CSPP1: variants seen among roughly 807,000 people sequenced by gnomAD.
The protein encoded by CSPP1 is centrosome and spindle pole-associated protein 1.
CSPP1 carries 126 observed loss-of-function variants against 164.4 expected under a neutral mutation model. The ratio of observed to expected loss-of-function variants is 0.77; its 90% CI spans 0.66 to 0.89. CSPP1 has a LOEUF of 0.89. Among genes scored for constraint, CSPP1 ranks in the 40% least tolerant of loss-of-function variants. The probability of loss-of-function intolerance (pLI) is 0.00; values close to 1 mark genes in which losing one functional copy is unlikely to be tolerated. For missense variants in CSPP1, 1,395 were observed against 1,449.8 expected, an observed-to-expected ratio of 0.96 and a Z score of 0.61; for synonymous variants, 472 against 476.7, an observed-to-expected ratio of 0.99 and a Z score of 0.13.
At chr8:67,161,555 G>A (rs1828360963) in intron 21 of CSPP1, among the ~76,000 whole-genome samples, 2 of 151,634 alleles carry the variant, frequency 1.3e-5, no homozygotes, top group African/African-American at 2.4e-5. Context: ...TGTGTTTGTT[G>A]ATTTTTTAAA....
intron 24 of CSPP1, among the ~76,000 whole-genome samples, chr8:67,170,139 C>T (rs1296548059): frequency 1.3e-5 from 2 of 151,880 alleles, no homozygotes; most frequent in East Asian, 1.9e-4. Flanking sequence ...AGGTACTTAA[C>T]AGTATAGCAT....
intron 28 of CSPP1, among the ~76,000 whole-genome samples, chr8:67,189,328 C>A (rs1045472338): frequency 6.6e-6 from 1 of 152,138 alleles, no homozygotes; most frequent in African/African-American, 2.4e-5. Context: ...ACTTATAGCA[C>A]CTTTATTCAT....
At chr8:67,177,632 A>T in intron 26 of CSPP1, 48 bp from the exon 27 acceptor site, 1 of 1,235,714 alleles carries the variant, frequency 8.1e-7, no homozygotes, top group Non-Finnish European at 1.2e-6. Flanking sequence ...TTTATATAGT[A>T]AGCATTTTCT....
intron 4 of CSPP1, 149 bp from the exon 5 acceptor site, chr8:67,091,654 G>A (rs1392178849): frequency 1.8e-5 from 5 of 273,558 alleles, no homozygotes; most frequent in Non-Finnish European, 3.5e-5. Context: ...GGTCTATATA[G>A]ATTTGTAGTT....
chr8:67,107,983 GTTTTT>G (rs34204898), intron 9 of CSPP1, among the ~76,000 whole-genome samples: 8 of 127,138 alleles, frequency 6.3e-5, no homozygotes, highest in African/African-American at 1.2e-4. Flanking sequence ...CTTTGACAAA[GTTTTT>G]TTTTTTTTTT....
chr8:67,099,210 T>C (rs1813513584), intron 7 of CSPP1: 1 of 152,130 alleles, frequency 6.6e-6, no homozygotes, highest in African/African-American at 2.4e-5. Context: ...ATTTCAAAGT[T>C]ATGAGTTCTG....
chr8:67,169,309 C>T (rs546168629), intron 24 of CSPP1, among the ~76,000 whole-genome samples: 219 of 152,286 alleles, frequency 1.4e-3, no homozygotes, highest in African/African-American at 5.0e-3. Flanking sequence ...TACCTGCTAT[C>T]TATTAATTTC....
At chr8:67,125,791 A>G (rs1216519468) in intron 15 of CSPP1, among the ~76,000 whole-genome samples, 3 of 152,014 alleles carry the variant, frequency 2.0e-5, no homozygotes, top group African/African-American at 2.4e-5. Flanking sequence ...AGTAATTTCT[A>G]TCTCTTTGTT....
intron 8 of CSPP1, among the ~76,000 whole-genome samples, chr8:67,103,769 G>A (rs1031803653): frequency 6.6e-5 from 10 of 150,878 alleles, no homozygotes; most frequent in Admixed American, 2.6e-4. Flanking sequence ...GAACCCAGGA[G>A]GCGGAGCTTG....
intron 24 of CSPP1, among the ~76,000 whole-genome samples, chr8:67,166,743 AATTG>A (rs969411993): frequency 4.3e-5 from 6 of 141,046 alleles, no homozygotes; most frequent in South Asian, 2.2e-4. Flanking sequence ...TTTTTTTTTT[AATTG>A]ATCATTCTTG....
At chr8:67,088,634 C>T (rs1244038180) in intron 4 of CSPP1, among the ~76,000 whole-genome samples, 1 of 94,486 alleles carries the variant, frequency 1.1e-5, no homozygotes, top group African/African-American at 3.9e-5. Context: ...GCACGGCTGA[C>T]GCCTGTAATC....
rs2129560136 is a variant in CSPP1, at chr8:67,158,506, A to G, written c.2301A>G (p.Glu767=). 4.3e-6 allele frequency: 7 copies of G among 1,613,388 alleles called. No homozygotes were observed. The highest frequency in any genetic ancestry group is 5.1e-6 in the Non-Finnish European group (6 of 1,179,548). Residue 767 remains glutamate, a synonymous_variant, in exon 20 of 31, where the codon GAA becomes GAG. Transcript: ENST00000678616. ...GAGAGAGACTGAGAATTGCAGAAGA[A>G]AAAGAAGAAAGACGGCTTGCAGAAC... ...AERERLRIAE[E]KEERRLAEQR...
Position 67,115,827 on chromosome 8 carries a change from C to G in CSPP1, c.1288-87C>G, listed in dbSNP as rs531204621. ...GTTATTCTGTGACTGTCTTAAGTGC[C>G]TGCTGGGATAGGAGGTCTTTTGAGG... On this transcript the variant is annotated intron_variant, in intron 12 of 30. Coordinates refer to ENST00000678616, the MANE Select transcript of CSPP1 (RefSeq NM_001382391.1). 9.1e-6 allele frequency: 8 copies of G among 874,940 alleles called. No homozygotes were observed. The African/African-American group carries it at 1.4e-4, about 15-fold the overall frequency. The allele number at this position is 874,940 out of a possible 1,614,324, so 54.2% of individuals were successfully genotyped here.
At chr8:67,124,116 G>A (rs1475853597) in intron 15 of CSPP1, among the ~76,000 whole-genome samples, 2 of 148,138 alleles carry the variant, frequency 1.4e-5, no homozygotes, top group Admixed American at 6.7e-5. Context: ...AGCCAGGATG[G>A]TCTCGATCTC....
rs1174755968 is a variant in CSPP1, at chr8:67,159,915, T to TC, written c.2538+779dup. ...TTCTTTCTTTCTTTCTTTCTTTCTTTCTTTCTTTCCTTTCCTTCCTTCCTT... is the reference window on the plus strand; with the variant it reads ...TTCTTTCTTTCTTTCTTTCTTTCTTTCCTTTCTTTCCTTTCCTTCCTTCCTT... On this transcript the variant is annotated intron_variant, in intron 21 of 30. Transcript: ENST00000678616. Among the ~76,000 whole-genome samples the TC allele has an allele frequency of 9.0e-4, 58 of 64,322 alleles. 2 individuals are homozygous for TC. The highest frequency in any genetic ancestry group is 3.9e-3 in the South Asian group (6 of 1,530). The allele number at this position is 64,322 out of a possible 152,430, so 42.2% of individuals were successfully genotyped here.
intron 27 of CSPP1, 125 bp from the exon 28 acceptor site, chr8:67,179,738 C>G (rs1832567915): frequency 1.5e-6 from 1 of 655,498 alleles, no homozygotes; most frequent in Non-Finnish European, 2.7e-6. Context: ...GTAGTCAGTC[C>G]TACCTCTACC....
chr8:67,096,866 A>G (rs1563545317), intron 7 of CSPP1, among the ~76,000 whole-genome samples: 1 of 141,794 alleles, frequency 7.1e-6, no homozygotes, highest in Non-Finnish European at 1.5e-5. Flanking sequence ...CTCTGTCTCA[A>G]CAACAACAAT....
chr8:67,075,215 A>G (rs1807659548), intron 2 of CSPP1, among the ~76,000 whole-genome samples: 1 of 152,222 alleles, frequency 6.6e-6, no homozygotes, highest in Admixed American at 6.5e-5. Context: ...AGAATGCAGC[A>G]CTGATTAGAG....
intron 22 of CSPP1, among the ~76,000 whole-genome samples, chr8:67,162,923 T>C (rs1828654996): frequency 6.6e-6 from 1 of 152,172 alleles, no homozygotes; most frequent in Admixed American, 6.5e-5. Flanking sequence ...CTGGACTCGA[T>C]TTGTAGTTCT....
Sources: gnomAD v4.1 joint callset for allele counts (sites outside exome capture counted in the v4.1 genomes callset) on GRCh38, gnomAD v4.1.1 for gene constraint, MANE v1.5 for transcripts, NCBI Gene and HGNC (gene_info 2026-07-23, HGNC 2026-07-21) for gene names.